Variants in ALDH1L1 observed in about 807,000 individuals in gnomAD.
ALDH1L1 encodes the protein aldehyde dehydrogenase 1 family member L1.
In ALDH1L1, 68 loss-of-function variants were observed where a neutral mutation model predicts 101.1. The observed-to-expected ratio is 0.67, with a 90% CI of 0.55 to 0.82. The LOEUF (loss-of-function observed/expected upper bound fraction) is 0.82, where lower values mean the gene tolerates loss of function less well. Ranked by LOEUF, ALDH1L1 falls within the 40% of genes least tolerant of loss-of-function variation. The pLI is 0.00. For missense variants in ALDH1L1, 1,087 were observed against 1,172.7 expected (o/e 0.93, Z 1.07); for synonymous variants, 486 against 470.8 (o/e 1.03, Z -0.42).
rs186476910 is a variant in ALDH1L1, at chr3:126,122,749, T to C, written c.1888+1615A>G. 5.4e-3 allele frequency among the ~76,000 whole-genome samples: 815 copies of C among 152,324 alleles called. 7 individuals are homozygous for C. The highest frequency in any genetic ancestry group is 0.018 in the African/African-American group (744 of 41,580). On this transcript the variant is annotated intron_variant, in intron 16 of 22. Coordinates refer to ENST00000393434, the MANE Select transcript of ALDH1L1 (RefSeq NM_012190.4). Reference sequence around the variant, plus strand: ...CACTGGGATTAAGTTCGTATAAATCTGAAGTTGATTTTGATAAGTATATGA... The same window carrying C: ...CACTGGGATTAAGTTCGTATAAATCCGAAGTTGATTTTGATAAGTATATGA...
At position 126,158,471 on chromosome 3, in the gene ALDH1L1, C is replaced by T. The variant is rs139977408; in HGVS notation, c.296G>A (p.Arg99Gln). The T allele has an allele frequency of 1.3e-4, 213 of 1,613,780 alleles. No individual in the cohort carries two copies. The Middle Eastern group carries it at 2.5e-3, about 19-fold the overall frequency. Residue 99 changes from arginine to glutamine, a missense_variant, in exon 3 of 23, where the codon CGG (arginine) becomes CAG (glutamine). This residue lies in a region of ALDH1L1 where 645 missense variants were observed against 637.0 expected (regional missense o/e 1.01). Coordinates refer to ENST00000393434, the MANE Select transcript of ALDH1L1 (RefSeq NM_012190.4). Reference protein sequence around the residue: ...FIPMEIISAPRHGSIIYHPSL... With the variant: ...FIPMEIISAPQHGSIIYHPSL... ...CGGGTGATAGATGATGGAGCCATGCCGGGGGGCACTGATTATCTCCATGGG... is the reference window on the plus strand; with the variant it reads ...CGGGTGATAGATGATGGAGCCATGCTGGGGGGCACTGATTATCTCCATGGG...
At chr3:126,161,031 C>A in intron 1 of ALDH1L1, 29 bp from the exon 2 acceptor site, 1 of 1,610,272 alleles carries the variant, frequency 6.2e-7, no homozygotes, top group Non-Finnish European at 8.5e-7. Context: ...AGCAATTAGA[C>A]AGAGATCGCT....
At position 126,154,610 on chromosome 3, in the gene ALDH1L1, T is replaced by A; in HGVS notation, c.664A>T (p.Asn222Tyr). The change falls in exon 6 of 23, where the codon AAC (asparagine) becomes TAC (tyrosine). Residue 222 changes from asparagine (N) to tyrosine (Y), a missense_variant. By Grantham distance (143) the Asn-to-Tyr change is moderately radical. Coordinates refer to ENST00000393434, the MANE Select transcript of ALDH1L1 (RefSeq NM_012190.4). Reference sequence around the variant, plus strand: ...ACCTTGTCGTTCCCGCGGATCCAGTTGTGAATGGCCTCTGCCGGCTGGTCC... The same window carrying A: ...ACCTTGTCGTTCCCGCGGATCCAGTAGTGAATGGCCTCTGCCGGCTGGTCC... The part of the protein sequence containing the change: ...NWDQPAEAIH[N>Y]WIRGNDKVPG... The A allele has an allele frequency of 1.2e-6, 2 of 1,614,138 alleles. No individual in the cohort carries two copies. Among genetic ancestry groups the A allele is most frequent in the Non-Finnish European group, 1.7e-6 (2 of 1,180,012 alleles).
chr3:126,119,281 T>A (rs562235279), intron 16 of ALDH1L1, among the ~76,000 whole-genome samples: 4 of 152,360 alleles, frequency 2.6e-5, no homozygotes, highest in South Asian at 4.1e-4. Context: ...TGGTCACTCC[T>A]CTGCCTGCTT....
intron 9 of ALDH1L1, among the ~76,000 whole-genome samples, chr3:126,140,390 C>A (rs2080543938): frequency 6.6e-6 from 1 of 151,976 alleles, no homozygotes; most frequent in African/African-American, 2.4e-5. Flanking sequence ...TAGACCTGCC[C>A]TAGAAGAAAT....
chr3:126,115,278 C>T (rs892335256), intron 17 of ALDH1L1: 2 of 355,544 alleles, frequency 5.6e-6, no homozygotes, highest in Non-Finnish European at 1.1e-5. Context: ...AAATGCACTG[C>T]AGGGATGCTG....
At chr3:126,190,472 A>G (rs1338832856) in intron 1 of ALDH1L1, among the ~76,000 whole-genome samples, 1 of 152,222 alleles carries the variant, frequency 6.6e-6, no homozygotes, top group African/African-American at 2.4e-5. Flanking sequence ...CAGGGCCTCC[A>G]TGGGTCCACA....
upstream of ALDH1L1, chr3:126,181,047 A>T (rs2081468122): frequency 6.4e-7 from 1 of 1,560,640 alleles, no homozygotes; most frequent in African/African-American, 1.4e-5. Context: ...GCCCCTTAGC[A>T]GCTGCGCATC....
Position 126,155,384 on chromosome 3 carries a change from G to C in ALDH1L1, c.630+18C>G, listed in dbSNP as rs1191719551. 2 of 1,607,872 alleles carry C rather than the reference G, an allele frequency of 1.2e-6. No homozygotes were observed. The highest frequency in any genetic ancestry group is 1.7e-6 in the Non-Finnish European group (2 of 1,176,770). On this transcript the variant is annotated intron_variant, in intron 5 of 22. Coordinates refer to ENST00000393434, the MANE Select transcript of ALDH1L1 (RefSeq NM_012190.4). ...TGCTCACAGGCAGGATGAGGGTGTG[G>C]AGGGACCCAGCACTCACCTTGGCTG...
At chr3:126,122,768 TATATG>T (rs1254159298) in intron 16 of ALDH1L1, among the ~76,000 whole-genome samples, 5 of 152,178 alleles carry the variant, frequency 3.3e-5, no homozygotes, top group African/African-American at 2.4e-5. Flanking sequence ...TTTTGATAAG[TATATG>T]ATAAGTCTTA....
chr3:126,135,485 C>T lies in ALDH1L1; in HGVS notation c.1472+50G>A, dbSNP rs200745673. ...CACAGAAGTCCCCCCCGTGCCACTG[C>T]CCAGAAGCTGATGGTGGCAGTGGCT... is the stretch of plus-strand genomic sequence containing the variant. On this transcript the variant is annotated intron_variant, in intron 12 of 22. Coordinates refer to ENST00000393434, the MANE Select transcript of ALDH1L1 (RefSeq NM_012190.4). The T allele has an allele frequency of 7.7e-4, 1,227 of 1,585,068 alleles. 14 individuals carry two copies. In the African/African-American group the frequency reaches 0.015, roughly 19 times the overall value.
chr3:126,125,300 T>G (rs1052011838), intron 15 of ALDH1L1, among the ~76,000 whole-genome samples: 2 of 152,214 alleles, frequency 1.3e-5, no homozygotes, highest in Non-Finnish European at 2.9e-5. Context: ...TCTTAGAGCA[T>G]GGGGCCTGGT....
chr3:126,145,365 T>A (rs1007221677), intron 9 of ALDH1L1, among the ~76,000 whole-genome samples: 2 of 152,184 alleles, frequency 1.3e-5, no homozygotes, highest in African/African-American at 4.8e-5. Flanking sequence ...TGGGTATTTG[T>A]CCAAAAGAAC....
chr3:126,106,106 G>C (rs931236937), intron 21 of ALDH1L1, among the ~76,000 whole-genome samples, 181 bp from the exon 22 acceptor site: 2 of 152,212 alleles, frequency 1.3e-5, no homozygotes, highest in Non-Finnish European at 2.9e-5. Context: ...AGGAAGGGCA[G>C]AGGCCCATGG....
At chr3:126,161,387 G>A (rs1208081692) in intron 1 of ALDH1L1, among the ~76,000 whole-genome samples, 1 of 152,222 alleles carries the variant, frequency 6.6e-6, no homozygotes, top group Non-Finnish European at 1.5e-5. Flanking sequence ...ACTTGTTCAT[G>A]AGAAAGATGC....
intron 1 of ALDH1L1, among the ~76,000 whole-genome samples, chr3:126,190,339 A>G (rs1225848646): frequency 6.6e-6 from 1 of 152,182 alleles, no homozygotes; most frequent in Admixed American, 6.5e-5. Context: ...CAACTCTTTT[A>G]GCAATTTTAG....
At chr3:126,177,398 C>A (rs74769308) in intron 1 of ALDH1L1, among the ~76,000 whole-genome samples, 109 of 152,284 alleles carry the variant, frequency 7.2e-4, no homozygotes, top group African/African-American at 2.5e-3. Flanking sequence ...GTTACCAAGT[C>A]ACAGAAAGAC....
chr3:126,104,899 A>G (rs1559908773), intron 22 of ALDH1L1: 1 of 153,260 alleles, frequency 6.5e-6, no homozygotes, highest in Non-Finnish European at 1.4e-5. Context: ...GAGACAGCAT[A>G]TGGCTTCCCC....
chr3:126,126,175 C>T (rs747977289), intron 14 of ALDH1L1, among the ~76,000 whole-genome samples: 1 of 152,178 alleles, frequency 6.6e-6, no homozygotes, highest in Non-Finnish European at 1.5e-5. Flanking sequence ...CAAGGCAGCA[C>T]TGATGAAGTC....
Sources: gnomAD v4.1 joint callset for allele counts (sites outside exome capture counted in the v4.1 genomes callset) on GRCh38, gnomAD v4.1.1 for gene constraint, gnomAD v4.1.1 regional missense constraint, MANE v1.5 for transcripts, NCBI Gene and HGNC (gene_info 2026-07-23, HGNC 2026-07-21) for gene names.